The following BTBD3 variants were observed in gnomAD, a reference collection of about 807,000 sequenced individuals.
BTBD3 encodes the protein BTB domain containing 3.
A neutral mutation model predicts 41.6 loss-of-function variants in BTBD3; 14 were observed. The observed-to-expected ratio is 0.34, with a 90% CI of 0.22 to 0.53. The LOEUF (loss-of-function observed/expected upper bound fraction) is 0.53, where lower values mean the gene tolerates loss of function less well. Among genes scored for constraint, BTBD3 ranks in the 20% least tolerant of loss-of-function variants. The pLI is 0.95. For synonymous variants in BTBD3, 249 were observed against 233.7 expected (o/e 1.07, Z -0.60); for missense variants, 426 against 654.7 (o/e 0.65, Z 3.81).
chr20:11,919,878 G>C (rs762793985), intron 3 of BTBD3, 42 bp downstream of exon 3: 2 of 1,519,664 alleles, frequency 1.3e-6, no homozygotes, highest in Admixed American at 3.3e-5. Context: ...TGTTTATGCT[G>C]TATTTGTACC....
Position 11,908,339 on chromosome 20 carries a change from T to A in BTBD3, c.-125-9995T>A, listed in dbSNP as rs554179753. Reference sequence around the variant, plus strand: ...CTCTGTGGTTTTTTTTTTTTTTTTTTAAATAAGGTACTGACAGTTGAGTTG... The same window carrying A: ...CTCTGTGGTTTTTTTTTTTTTTTTTAAAATAAGGTACTGACAGTTGAGTTG... On this transcript the variant is annotated intron_variant, in intron 1 of 4. Coordinates refer to the BTBD3 transcript ENST00000254977. Among the ~76,000 whole-genome samples, 146 of 147,852 alleles carry A rather than the reference T, an allele frequency of 9.9e-4. 9 individuals carry two copies. Among genetic ancestry groups the A allele is most frequent in the African/African-American group, 3.4e-3 (137 of 40,334 alleles).
At chr20:11,903,723 C>T (rs1438167180) in intron 1 of BTBD3, among the ~76,000 whole-genome samples, 4 of 152,058 alleles carry the variant, frequency 2.6e-5, no homozygotes, top group African/African-American at 9.7e-5. Flanking sequence ...TCTTCTGCTT[C>T]AGCGTCCGGA....
intron 1 of BTBD3, among the ~76,000 whole-genome samples, chr20:11,912,265 G>T (rs763285503): frequency 1.7e-4 from 26 of 152,142 alleles, no homozygotes; most frequent in Non-Finnish European, 3.5e-4. Context: ...TGGGCTCCTT[G>T]CAGGAGGCTG....
At position 11,903,526 on chromosome 20, in the gene BTBD3, C is replaced by T. The variant is rs117512649; in HGVS notation, c.-126+12572C>T. ...TTAATATGATTTTGCACCCTAAATT[C>T]TGTGAATTTTCTGAGGTTGGGGTAT... On this transcript the variant is annotated intron_variant, in intron 1 of 4. Transcript: ENST00000254977. Among the ~76,000 whole-genome samples the T allele has an allele frequency of 1.6e-3, 246 of 152,176 alleles. No homozygotes were observed. In the East Asian group the frequency reaches 0.018, roughly 11 times the overall value.
Position 11,897,823 on chromosome 20 carries a change from T to C in BTBD3, c.-126+6869T>C, listed in dbSNP as rs530791106. On this transcript the variant is annotated intron_variant, in intron 1 of 4. Coordinates refer to the BTBD3 transcript ENST00000254977. The stretch of plus-strand genomic sequence containing the variant: ...TTAAAACCCTCCAGTGGCTTCCATG[T>C]CACTCAGAATAAAGGCCAGTGTTCT... Among the ~76,000 whole-genome samples the C allele has an allele frequency of 2.6e-3, 397 of 152,280 alleles. 2 individuals carry two copies. Among genetic ancestry groups the C allele is most frequent in the African/African-American group, 8.4e-3 (349 of 41,554 alleles).
At chr20:11,919,261 C>G in intron 2 of BTBD3, 85 bp downstream of exon 2, 4 of 1,409,628 alleles carry the variant, frequency 2.8e-6, no homozygotes, top group Non-Finnish European at 3.9e-6. Flanking sequence ...GTGTGGGCAG[C>G]TTGCCGATGT....
At position 11,923,954 on chromosome 20, in the gene BTBD3, ACCCTCTCAGTTTTGT is replaced by A; in HGVS notation, c.*295_*309del. On this transcript the variant is annotated 3_prime_UTR_variant, in exon 4 of 4. Transcript: ENST00000378226. This position sits in a 1 kb window ranked among gnomAD's most constrained non-coding sequence, Gnocchi z 5.3. ...TATGTGCTTTCCCAAGCGTTCCACC[ACCCTCTCAGTTTTGT>A]CCCTCTGAAGATAATTTTGGATCAC... 1 of 297,482 alleles carries A rather than the reference ACCCTCTCAGTTTTGT, an allele frequency of 3.4e-6. No individual in the cohort carries two copies. The highest frequency in any genetic ancestry group is 6.2e-6 in the Non-Finnish European group (1 of 161,116). 18.4% of individuals were successfully genotyped at this position (297,482 alleles called of 1,614,324 possible). A position where few individuals can be genotyped will look rare whatever the true frequency, so the allele number is the denominator to read the frequency against.
Position 11,923,705 on chromosome 20 carries a change from C to T in BTBD3, c.*39C>T, listed in dbSNP as rs770365306. 2.6e-6 allele frequency: 4 copies of T among 1,540,758 alleles called. No homozygotes were observed. The highest frequency in any genetic ancestry group is 2.7e-5 in the African/African-American group (2 of 73,060). ...GAAGCAGCTTGAGCTCCAAAGTGCACATCTGGTTCCAACTTGCCTGATGCT... is the reference window on the plus strand; with the variant it reads ...GAAGCAGCTTGAGCTCCAAAGTGCATATCTGGTTCCAACTTGCCTGATGCT... On this transcript the variant is annotated 3_prime_UTR_variant, in exon 4 of 4. Coordinates refer to ENST00000378226, the MANE Select transcript of BTBD3 (RefSeq NM_014962.4). This position sits in a 1 kb window ranked among gnomAD's most constrained non-coding sequence, Gnocchi z 5.3.
At chr20:11,908,637 T>C (rs1471527445) in intron 1 of BTBD3, among the ~76,000 whole-genome samples, 2 of 152,066 alleles carry the variant, frequency 1.3e-5, no homozygotes, top group Non-Finnish European at 2.9e-5. Flanking sequence ...AAAAAAATAA[T>C]TATTTTTATT....
intron 1 of BTBD3, among the ~76,000 whole-genome samples, chr20:11,906,616 T>C (rs2056856569): frequency 6.6e-6 from 1 of 152,132 alleles, no homozygotes; most frequent in Non-Finnish European, 1.5e-5. Flanking sequence ...GAATTCTTTA[T>C]TTTTTGTAAA....
intron 1 of BTBD3, among the ~76,000 whole-genome samples, chr20:11,904,622 A>AG (rs2056842773): frequency 6.6e-6 from 1 of 152,188 alleles, no homozygotes; most frequent in African/African-American, 2.4e-5. Context: ...ACTTGTTTAT[A>AG]GGGGTCATAT....
At chr20:11,909,019 G>A (rs1245502543) in intron 1 of BTBD3, among the ~76,000 whole-genome samples, 2 of 152,036 alleles carry the variant, frequency 1.3e-5, no homozygotes, top group African/African-American at 4.8e-5. Context: ...AGGCCTAGGC[G>A]GGTGGATCAC....
chr20:11,899,010 C>G (rs1001092607), intron 1 of BTBD3, among the ~76,000 whole-genome samples: 14 of 152,154 alleles, frequency 9.2e-5, no homozygotes, highest in African/African-American at 3.4e-4. Flanking sequence ...TCAAAACATA[C>G]CTGGGTTCCC....
intron 1 of BTBD3, among the ~76,000 whole-genome samples, chr20:11,902,529 A>G (rs1197777097): frequency 6.6e-6 from 1 of 152,238 alleles, no homozygotes; most frequent in Non-Finnish European, 1.5e-5. Context: ...AAGAACCACC[A>G]GAGATCACAT....
At chr20:11,917,538 T>C (rs953300186), upstream of BTBD3, among the ~76,000 whole-genome samples, 5 of 152,212 alleles carry the variant, frequency 3.3e-5, no homozygotes, top group Non-Finnish European at 7.3e-5. Context: ...TATTTGAAAC[T>C]AAATGCTGCT....
intron 1 of BTBD3, among the ~76,000 whole-genome samples, chr20:11,907,176 TGTAGTGAA>T (rs1173272669): frequency 1.3e-5 from 2 of 152,180 alleles, no homozygotes; most frequent in East Asian, 3.8e-4. Flanking sequence ...AGACTTTTAA[TGTAGTGAA>T]GCCTTACTCT....
upstream of BTBD3, chr20:11,917,759 AC>A: frequency 5.7e-6 from 1 of 174,742 alleles, no homozygotes; most frequent in Non-Finnish European, 1.1e-5. Context: ...TAATATCAGA[AC>A]TATGCATGTT....
chr20:11,894,359 G>A (rs76207462), intron 1 of BTBD3, among the ~76,000 whole-genome samples: 5,523 of 152,298 alleles, frequency 0.036, 132 homozygotes, highest in Middle Eastern at 0.068. Flanking sequence ...GTGGCTTGTT[G>A]CCAAATTGCT....
chr20:11,923,894 G>T lies in BTBD3; in HGVS notation c.*228G>T. ...GCTAACGTTCTTATTAAGGCTTTGTGGTTTTTAGAGTTGCATCTATGAACC... is the reference window on the plus strand; with the variant it reads ...GCTAACGTTCTTATTAAGGCTTTGTTGTTTTTAGAGTTGCATCTATGAACC... On this transcript the variant is annotated 3_prime_UTR_variant, in exon 4 of 4. Coordinates refer to ENST00000378226, the MANE Select transcript of BTBD3 (RefSeq NM_014962.4). This position sits in a 1 kb window ranked among gnomAD's most constrained non-coding sequence, Gnocchi z 5.3. 2 of 465,242 alleles carry T rather than the reference G, an allele frequency of 4.3e-6. No individual in the cohort carries two copies. The highest frequency in any genetic ancestry group is 7.5e-6 in the Non-Finnish European group (2 of 266,554). 28.8% of individuals were successfully genotyped at this position (465,242 alleles called of 1,614,324 possible).
Sources: gnomAD v4.1 joint callset for allele counts (sites outside exome capture counted in the v4.1 genomes callset) on GRCh38, gnomAD v4.1.1 for gene constraint, Gnocchi (gnomAD v3.1) non-coding constraint, MANE v1.5 for transcripts, NCBI Gene and HGNC (gene_info 2026-07-23, HGNC 2026-07-21) for gene names.